Variants in DEFB131B observed in about 807,000 individuals in gnomAD.
The protein encoded by DEFB131B is beta-defensin 131B.
DEFB131B carries 2 observed loss-of-function variants against 2.1 expected under a neutral mutation model. The observed-to-expected ratio is 0.94, with a 90% CI of 0.38 to 2.95. The LOEUF (loss-of-function observed/expected upper bound fraction) is 2.95. Ranked by LOEUF, DEFB131B falls within the 30% of genes most tolerant of loss-of-function variation. The pLI, the probability that DEFB131B is intolerant of heterozygous loss-of-function variation, is 0.09. For synonymous variants in DEFB131B, 26 were observed against 25.8 expected (o/e 1.01, Z -0.03); for missense variants, 77 against 78.5 (o/e 0.98, Z 0.07).
intron 1 of DEFB131B, among the ~76,000 whole-genome samples, chr11:71,879,556 A>G (rs1474845028): frequency 6.6e-6 from 1 of 152,152 alleles, no homozygotes; most frequent in Non-Finnish European, 1.5e-5. Flanking sequence ...CCTTATTTAT[A>G]TAATTATAAA....
intron 1 of DEFB131B, among the ~76,000 whole-genome samples, chr11:71,883,488 G>A (rs146384162): frequency 2.1e-4 from 32 of 152,116 alleles, no homozygotes; most frequent in African/African-American, 6.5e-4. Context: ...TATATAATGG[G>A]GAAAAGATGG....
chr11:71,882,417 G>T (rs1162033172), intron 1 of DEFB131B, among the ~76,000 whole-genome samples: 1 of 152,162 alleles, frequency 6.6e-6, no homozygotes, highest in Non-Finnish European at 1.5e-5. Context: ...TTTTAGTAGA[G>T]ACTGGGTTTC....
chr11:71,884,423 T>C lies in DEFB131B; in HGVS notation c.75T>C (p.Ser25=), dbSNP rs746457498. 1 of 1,594,968 alleles carries C rather than the reference T, an allele frequency of 6.3e-7. No homozygotes were observed. Among genetic ancestry groups the C allele is most frequent in the Non-Finnish European group, 8.5e-7 (1 of 1,170,294 alleles). Residue 25 remains serine (S), a synonymous_variant, in exon 2 of 2, where the codon TCT becomes TCC. Coordinates refer to ENST00000530210, the MANE Select transcript of DEFB131B (RefSeq NM_001242853.1). Reference sequence around the variant, plus strand: ...TTTTTAAAGCCAGAAGCTTCACTTCTAATGATGAATGTCCTTCAGAATATT... The same window carrying C: ...TTTTTAAAGCCAGAAGCTTCACTTCCAATGATGAATGTCCTTCAGAATATT... ...STVPPTRSFT[S]NDECPSEYYH...
At position 71,881,911 on chromosome 11, in the gene DEFB131B, G is replaced by A. The variant is rs182876403; in HGVS notation, c.59-2496G>A. Among the ~76,000 whole-genome samples, 27 of 152,116 alleles carry A rather than the reference G, an allele frequency of 1.8e-4. No individual in the cohort carries two copies. In the East Asian group the frequency reaches 3.7e-3, roughly 21 times the overall value. ...TATGTGTAATGAAGTATCAGGAGGA[G>A]GAGAAAGAAAGGAACAGAAGAAATA... is the stretch of plus-strand genomic sequence containing the variant. On this transcript the variant is annotated intron_variant, in intron 1 of 1. Transcript: ENST00000530210.
chr11:71,878,552 A>T, intron 1 of DEFB131B, 42 bp downstream of exon 1: 1 of 1,591,660 alleles, frequency 6.3e-7, no homozygotes, highest in Non-Finnish European at 8.5e-7. Flanking sequence ...TAAAAATATA[A>T]GTAAAAGAAA....
chr11:71,883,084 A>G (rs1952584280), intron 1 of DEFB131B, among the ~76,000 whole-genome samples: 1 of 152,228 alleles, frequency 6.6e-6, no homozygotes, highest in Non-Finnish European at 1.5e-5. Context: ...TTCATGAAAG[A>G]AATTAAAGAA....
At chr11:71,878,934 A>G (rs1207805447) in intron 1 of DEFB131B, among the ~76,000 whole-genome samples, 1 of 152,198 alleles carries the variant, frequency 6.6e-6, no homozygotes, top group East Asian at 1.9e-4. Context: ...TGAGATGTCA[A>G]GGCTGCATTC....
chr11:71,883,510 C>T (rs559109972), intron 1 of DEFB131B, among the ~76,000 whole-genome samples: 7 of 152,210 alleles, frequency 4.6e-5, no homozygotes, highest in South Asian at 2.1e-4. Context: ...TTCTTCAATA[C>T]GTGGTACTAA....
intron 1 of DEFB131B, among the ~76,000 whole-genome samples, chr11:71,880,088 A>G (rs1350032504): frequency 6.6e-6 from 1 of 152,236 alleles, no homozygotes; most frequent in East Asian, 1.9e-4. Flanking sequence ...AATTATATAA[A>G]TGATGGAATC....
At position 71,878,479 on chromosome 11, in the gene DEFB131B, A is replaced by G. The variant is rs1952538928; in HGVS notation, c.27A>G (p.Gly9=). MRVLFFVF[G]VLSLMSTVPP... ...TGAGGGTCTTGTTTTTTGTCTTTGGAGTCCTTTCCTTGATGTCCACAGTTC... is the reference window on the plus strand; with the variant it reads ...TGAGGGTCTTGTTTTTTGTCTTTGGGGTCCTTTCCTTGATGTCCACAGTTC... The change falls in exon 1 of 2, where the codon GGA becomes GGG. Residue 9 remains glycine (G), a synonymous_variant. Coordinates refer to ENST00000530210, the MANE Select transcript of DEFB131B (RefSeq NM_001242853.1). 1 of 1,611,578 alleles carries G rather than the reference A, an allele frequency of 6.2e-7. No homozygotes were observed. Among genetic ancestry groups the G allele is most frequent in the Non-Finnish European group, 8.5e-7 (1 of 1,179,786 alleles).
chr11:71,882,267 T>A (rs147853919), intron 1 of DEFB131B, among the ~76,000 whole-genome samples: 5,655 of 152,190 alleles, frequency 0.037, 355 homozygotes, highest in African/African-American at 0.13. Context: ...AAATTATCTT[T>A]TTTTTTTAGA....
chr11:71,879,453 A>G (rs947468531), intron 1 of DEFB131B, among the ~76,000 whole-genome samples: 1 of 152,250 alleles, frequency 6.6e-6, no homozygotes, highest in Non-Finnish European at 1.5e-5. Flanking sequence ...GATTTAGATT[A>G]CTGGTTGACT....
Position 71,884,487 on chromosome 11 carries a change from A to G in DEFB131B, c.139A>G (p.Ile47Val), listed in dbSNP as rs778050404. ...RLKCNADEHA[I>V]RYCADFSICC... ...GAAGTGCAATGCTGATGAACATGCA[A>G]TTAGATACTGTGCTGACTTCAGCAT... The change falls in exon 2 of 2, where the codon ATT (isoleucine) becomes GTT (valine). Residue 47 changes from isoleucine to valine, a missense_variant. Ile to Val is a conservative substitution (Grantham distance 29). Transcript: ENST00000530210. 7 of 1,610,668 alleles carry G rather than the reference A, an allele frequency of 4.3e-6. No individual in the cohort carries two copies. Among genetic ancestry groups the G allele is most frequent in the Non-Finnish European group, 5.1e-6 (6 of 1,179,104 alleles).
intron 1 of DEFB131B, among the ~76,000 whole-genome samples, chr11:71,883,585 G>A (rs1590733000): frequency 6.6e-6 from 1 of 152,062 alleles, no homozygotes; most frequent in Non-Finnish European, 1.5e-5. Flanking sequence ...CACACAAAAA[G>A]CAATTCAAAA....
At chr11:71,878,827 CAA>C (rs201809792) in intron 1 of DEFB131B, among the ~76,000 whole-genome samples, 11 of 120,182 alleles carry the variant, frequency 9.2e-5, no homozygotes, top group African/African-American at 1.8e-4. Context: ...CCCATCTCTA[CAA>C]AAAAAAAAAA....
chr11:71,881,252 A>T (rs1343385925), intron 1 of DEFB131B, among the ~76,000 whole-genome samples: 1 of 152,156 alleles, frequency 6.6e-6, no homozygotes, highest in East Asian at 1.9e-4. Flanking sequence ...TGGCCCTTTT[A>T]TCATTATATG....
At chr11:71,880,621 T>C (rs1480314006) in intron 1 of DEFB131B, among the ~76,000 whole-genome samples, 1 of 152,212 alleles carries the variant, frequency 6.6e-6, no homozygotes, top group African/African-American at 2.4e-5. Flanking sequence ...TTTATAATCT[T>C]ACTATGTTCT....
chr11:71,883,774 C>T (rs1474966147), intron 1 of DEFB131B, among the ~76,000 whole-genome samples: 1 of 152,190 alleles, frequency 6.6e-6, no homozygotes, highest in East Asian at 1.9e-4. Flanking sequence ...GGGTTATAGG[C>T]TCCTGTCCAT....
chr11:71,882,256 A>G (rs1341497386), intron 1 of DEFB131B, among the ~76,000 whole-genome samples: 1 of 152,012 alleles, frequency 6.6e-6, no homozygotes, highest in East Asian at 1.9e-4. Context: ...TCTACTTAGC[A>G]AAATTATCTT....
Sources: gnomAD v4.1 joint callset for allele counts (sites outside exome capture counted in the v4.1 genomes callset) on GRCh38, gnomAD v4.1.1 for gene constraint, MANE v1.5 for transcripts, NCBI Gene and HGNC (gene_info 2026-07-23, HGNC 2026-07-21) for gene names.